Variants in PRKCD observed in about 807,000 individuals in gnomAD.
The protein encoded by PRKCD is protein kinase C delta type.
Under a neutral mutation model 82.2 loss-of-function variants are expected in PRKCD, and 20 were observed. That is an observed-to-expected ratio of 0.24 (90% confidence interval 0.17 to 0.35). PRKCD has a LOEUF of 0.35. Ranked by LOEUF, PRKCD falls within the 10% of genes least tolerant of loss-of-function variation. The probability of loss-of-function intolerance (pLI) is 1.00; values close to 1 mark genes in which losing one functional copy is unlikely to be tolerated. For synonymous variants in PRKCD, 317 were observed against 337.0 expected (o/e 0.94, Z 0.65); for missense variants, 607 against 899.0 (o/e 0.68, Z 4.15).
Position 53,169,166 on chromosome 3 carries a change from C to T in PRKCD, c.-20+3951C>T, listed in dbSNP as rs1434323893. On this transcript the variant is annotated intron_variant, in intron 2 of 18. Coordinates refer to ENST00000330452, the MANE Select transcript of PRKCD (RefSeq NM_006254.4). The surrounding 1 kb of genome is among the most constrained non-coding windows in gnomAD (Gnocchi z 4.7). ...AGCCACTGCCTGAGCTCGTGCACTCCTAGTGGATGAGGAGCGCTGGGAGGG... is the reference window on the plus strand; with the variant it reads ...AGCCACTGCCTGAGCTCGTGCACTCTTAGTGGATGAGGAGCGCTGGGAGGG... Among the ~76,000 whole-genome samples the T allele has an allele frequency of 3.3e-5, 5 of 152,014 alleles. No individual in the cohort carries two copies. The highest frequency in any genetic ancestry group is 1.2e-4 in the African/African-American group (5 of 41,376).
chr3:53,181,116 G>C (rs1198394897), intron 4 of PRKCD, 91 bp from the exon 5 acceptor site: 2 of 1,425,418 alleles, frequency 1.4e-6, no homozygotes, highest in Non-Finnish European at 1.9e-6. Context: ...CTTGGCCTTG[G>C]GGGACCAGCC....
chr3:53,191,002 C>T (rs1459979184), intron 18 of PRKCD, among the ~76,000 whole-genome samples: 1 of 152,180 alleles, frequency 6.6e-6, no homozygotes, highest in Non-Finnish European at 1.5e-5. Flanking sequence ...AGGGGCTGTC[C>T]AGGGGGCTCT....
chr3:53,163,569 T>C (rs970307173), intron 1 of PRKCD, among the ~76,000 whole-genome samples: 2 of 152,090 alleles, frequency 1.3e-5, no homozygotes, highest in Non-Finnish European at 2.9e-5. Context: ...CAAGGCTGAG[T>C]GTCCTTATCT....
chr3:53,179,222 G>A (rs1031724736), intron 3 of PRKCD, among the ~76,000 whole-genome samples: 2 of 152,266 alleles, frequency 1.3e-5, no homozygotes, highest in Non-Finnish European at 2.9e-5. Flanking sequence ...GGATCCAGGA[G>A]GACAGGCCCT....
chr3:53,184,333 TCAACAACAACAACAA>T (rs147569297), intron 9 of PRKCD, among the ~76,000 whole-genome samples: 56 of 144,258 alleles, frequency 3.9e-4, no homozygotes, highest in South Asian at 2.3e-3. Context: ...AGACTCCGTC[TCAACAACAACAACAA>T]CAACAACAAC....
intron 15 of PRKCD, among the ~76,000 whole-genome samples, chr3:53,187,754 A>G (rs1451021025): frequency 6.6e-6 from 1 of 152,194 alleles, no homozygotes; most frequent in Non-Finnish European, 1.5e-5. Context: ...ATTCCATCCT[A>G]TGGTGGGAAC....
intron 1 of PRKCD, among the ~76,000 whole-genome samples, chr3:53,163,634 A>G (rs1702745144): frequency 1.3e-5 from 2 of 152,158 alleles, no homozygotes; most frequent in Admixed American, 6.5e-5. Flanking sequence ...CTTTAACACA[A>G]TCTTGGCCCA....
At chr3:53,162,438 C>T (rs1347560044) in intron 1 of PRKCD, among the ~76,000 whole-genome samples, 1 of 152,202 alleles carries the variant, frequency 6.6e-6, no homozygotes, top group African/African-American at 2.4e-5. Flanking sequence ...GGGTCCCCTT[C>T]TCTGACGCCT....
chr3:53,183,696 C>G (rs982482621), intron 9 of PRKCD, 115 bp downstream of exon 9: 65 of 1,412,810 alleles, frequency 4.6e-5, no homozygotes, highest in Non-Finnish European at 6.0e-5. Flanking sequence ...GCACCTCATT[C>G]AGGGACCTGA....
In PRKCD at chr3:53,186,601, C is replaced by T. The variant is rs782760194; in HGVS notation, c.1261-3C>T. Reference sequence around the variant, plus strand: ...CCCCTGCTCACCACCCTTCCCACCCCAGGACCACCTGTTCTTTGTGATGGA... The same window carrying T: ...CCCCTGCTCACCACCCTTCCCACCCTAGGACCACCTGTTCTTTGTGATGGA... On this transcript the variant is annotated splice_region_variant and splice_polypyrimidine_tract_variant and intron_variant, in intron 13 of 18. Transcript: ENST00000330452. 1 of 1,611,236 alleles carries T rather than the reference C, an allele frequency of 6.2e-7. No individual in the cohort carries two copies. Among genetic ancestry groups the T allele is most frequent in the Non-Finnish European group, 8.5e-7 (1 of 1,178,286 alleles).
chr3:53,191,177 A>T (rs7634447), intron 18 of PRKCD, among the ~76,000 whole-genome samples: 1 of 152,030 alleles, frequency 6.6e-6, no homozygotes, highest in African/African-American at 2.4e-5. Context: ...TGAGGCAGGC[A>T]GATCACCTGA....
At chr3:53,182,707 A>T (rs1703492101) in intron 7 of PRKCD, among the ~76,000 whole-genome samples, 1 of 152,226 alleles carries the variant, frequency 6.6e-6, no homozygotes. Flanking sequence ...TCATTATTAC[A>T]CATGCTTTGT....
chr3:53,171,082 G>T (rs958731184), intron 2 of PRKCD, among the ~76,000 whole-genome samples: 50 of 152,268 alleles, frequency 3.3e-4, no homozygotes, highest in African/African-American at 1.2e-3. Context: ...GTGTGCCTGT[G>T]TGCACACGTG....
At chr3:53,175,206 C>A (rs980670354) in intron 2 of PRKCD, among the ~76,000 whole-genome samples, 1 of 152,172 alleles carries the variant, frequency 6.6e-6, no homozygotes, top group Non-Finnish European at 1.5e-5. Flanking sequence ...TTCATGGAGA[C>A]CTGGTTTCCC....
At chr3:53,168,496 A>G (rs1702906409) in intron 2 of PRKCD, among the ~76,000 whole-genome samples, 1 of 152,140 alleles carries the variant, frequency 6.6e-6, no homozygotes, top group South Asian at 2.1e-4. Context: ...CTGAAGGCTT[A>G]GGAGCAGGAC....
intron 2 of PRKCD, among the ~76,000 whole-genome samples, chr3:53,170,605 A>ACCT: frequency 1.3e-5 from 2 of 152,202 alleles, no homozygotes; most frequent in African/African-American, 4.8e-5. Flanking sequence ...CTGGATCAAG[A>ACCT]GGGACTTTCT....
intron 4 of PRKCD, among the ~76,000 whole-genome samples, chr3:53,180,850 C>T (rs536906584): frequency 4.6e-5 from 7 of 152,260 alleles, no homozygotes; most frequent in South Asian, 2.1e-4. Flanking sequence ...TGTCTCTCTC[C>T]GCATGTGCAC....
intron 1 of PRKCD, among the ~76,000 whole-genome samples, chr3:53,163,299 G>T (rs1284436786): frequency 4.6e-5 from 7 of 151,924 alleles, no homozygotes; most frequent in African/African-American, 1.7e-4. Context: ...GTGCCTGGGC[G>T]TGGGTGTTAG....
At position 53,181,733 on chromosome 3, in the gene PRKCD, G is replaced by A. The variant is rs1703450134; in HGVS notation, c.571+1G>A. On this transcript the variant is annotated splice_donor_variant, in intron 7 of 18. Transcript: ENST00000330452. LOFTEE classifies it high-confidence loss of function. ...AACAAGCAAGGCTACAAATGCAGGC[G>A]TAAGTGTCTCCACAGGCCAGTTTGT... is the stretch of plus-strand genomic sequence containing the variant. The A allele has an allele frequency of 6.2e-7, 1 of 1,614,128 alleles. No individual in the cohort carries two copies. The highest frequency in any genetic ancestry group is 2.2e-5 in the East Asian group (1 of 44,876).
Sources: allele counts gnomAD v4.1 joint callset (sites outside exome capture counted in the v4.1 genomes callset), GRCh38; gene constraint gnomAD v4.1.1; non-coding constraint Gnocchi (gnomAD v3.1); transcripts MANE v1.5; gene names NCBI Gene and HGNC (gene_info 2026-07-23, HGNC 2026-07-21).